HTRA3: variants seen among roughly 807,000 people sequenced by gnomAD.
HTRA3 encodes serine protease HTRA3.
In HTRA3, 41 loss-of-function variants were observed where a neutral mutation model predicts 43.2. The observed-to-expected ratio is 0.95, with a 90% CI of 0.74 to 1.23. The LOEUF is 1.23. Ranked by LOEUF, HTRA3 falls within the 50% of genes most tolerant of loss-of-function variation. The pLI is 0.00. For missense variants in HTRA3, 628 were observed against 647.1 expected (o/e 0.97, Z 0.32); for synonymous variants, 295 against 287.9 (o/e 1.02, Z -0.25).
At position 8,286,793 on chromosome 4, in the gene HTRA3, C is replaced by T. The variant is rs1262865472; in HGVS notation, c.708+10C>T. 15 of 1,602,180 alleles carry T rather than the reference C, an allele frequency of 9.4e-6. No homozygotes were observed. The highest frequency in any genetic ancestry group is 6.7e-5 in the East Asian group (3 of 44,686). On this transcript the variant is annotated intron_variant, in intron 3 of 8. Transcript: ENST00000307358. This position sits in a 1 kb window ranked among gnomAD's most constrained non-coding sequence, Gnocchi z 4.9. ...CAAGATCCATCCCAAGGTGGGTGGG[C>T]GTGGGTGGAGGGGCGGAAGCACCTG...
intron 1 of HTRA3, among the ~76,000 whole-genome samples, chr4:8,274,674 C>T (rs537385140): frequency 1.3e-5 from 2 of 152,170 alleles, no homozygotes; most frequent in East Asian, 1.9e-4. Flanking sequence ...TGTCCATCCA[C>T]GGGATGGTAA....
chr4:8,279,477 C>T lies in HTRA3; in HGVS notation c.386-2960C>T, dbSNP rs185449106. Among the ~76,000 whole-genome samples the T allele has an allele frequency of 2.0e-4, 30 of 152,168 alleles. No individual in the cohort carries two copies. Among genetic ancestry groups the T allele is most frequent in the African/African-American group, 5.8e-4 (24 of 41,528 alleles). Reference sequence around the variant, plus strand: ...TGCTGTGCAGATCTTCAGGCTGCCGCGTCAGAGCTCAGGGGCCCAGCAGCC... The same window carrying T: ...TGCTGTGCAGATCTTCAGGCTGCCGTGTCAGAGCTCAGGGGCCCAGCAGCC... On this transcript the variant is annotated intron_variant, in intron 1 of 8. Transcript: ENST00000307358. This position sits in a 1 kb window ranked among gnomAD's most constrained non-coding sequence, Gnocchi z 7.4.
At chr4:8,289,909 G>A (rs1359185017) in intron 3 of HTRA3, among the ~76,000 whole-genome samples, 1 of 149,574 alleles carries the variant, frequency 6.7e-6, no homozygotes, top group Non-Finnish European at 1.5e-5. Flanking sequence ...GGCCTCACCT[G>A]TGCGCCCTCC....
chr4:8,304,647 T>TTTGTG lies in HTRA3; in HGVS notation c.1196+370_1196+371insGTGTT, dbSNP rs796328137. Among the ~76,000 whole-genome samples, 75 of 84,206 alleles carry TTTGTG rather than the reference T, an allele frequency of 8.9e-4. 6 individuals carry two copies. The highest frequency in any genetic ancestry group is 2.5e-3 in the African/African-American group (52 of 20,660). The allele number at this position is 84,206 out of a possible 152,430, so 55.2% of individuals were successfully genotyped here. A position where few individuals can be genotyped will look rare whatever the true frequency, so the allele number is the denominator to read the frequency against. On this transcript the variant is annotated intron_variant, in intron 8 of 8. Coordinates refer to ENST00000307358, the MANE Select transcript of HTRA3 (RefSeq NM_053044.5). Reference sequence around the variant, plus strand: ...GTGGAGATAATTCAGCCTATTGTTTTTTTTTTTTTTTTTTTTTTTTTTTTT... The same window carrying TTTGTG: ...GTGGAGATAATTCAGCCTATTGTTTTTTGTGTTTTTTTTTTTTTTTTTTTTTTTTT...
intron 2 of HTRA3, among the ~76,000 whole-genome samples, chr4:8,282,910 G>T (rs1032205321): frequency 6.6e-6 from 1 of 152,228 alleles, no homozygotes; most frequent in African/African-American, 2.4e-5. Context: ...AGGTGTGTGT[G>T]CAAGGAGCAG....
At chr4:8,302,077 T>C (rs758835653) in intron 6 of HTRA3, among the ~76,000 whole-genome samples, 5 of 151,522 alleles carry the variant, frequency 3.3e-5, no homozygotes, top group Non-Finnish European at 7.4e-5. Flanking sequence ...CAGTGGGAGG[T>C]GATGAGTTCA....
At chr4:8,285,502 C>G (rs1190287685) in intron 2 of HTRA3, among the ~76,000 whole-genome samples, 1 of 152,224 alleles carries the variant, frequency 6.6e-6, no homozygotes, top group Admixed American at 6.5e-5. Context: ...ACGTTTCCAT[C>G]CCTCCATACT....
rs1340450059 is a variant in HTRA3 at position 8,282,443 on chromosome 4, A to G, written c.392A>G (p.His131Arg). 17 of 1,612,944 alleles carry G rather than the reference A, an allele frequency of 1.1e-5. No homozygotes were observed. The highest frequency in any genetic ancestry group is 1.4e-5 in the Non-Finnish European group (16 of 1,179,562). The change falls in exon 2 of 9, where the codon CAC becomes CGC. Residue 131 changes from histidine to arginine, a missense_variant. Transcript: ENST00000307358. ...GCCCTTCCCGCCAGCGCAGGTCTCC[A>G]CCAGCTGAGCAGCCCGCGCTACAAG... Reference protein sequence around the residue: ...LQKGACPLGLHQLSSPRYKFN... With the variant: ...LQKGACPLGLRQLSSPRYKFN...
intron 3 of HTRA3, among the ~76,000 whole-genome samples, chr4:8,288,734 A>G (rs575410382): frequency 8.4e-4 from 126 of 150,114 alleles, no homozygotes; most frequent in African/African-American, 2.9e-3. Flanking sequence ...CACCACCCTC[A>G]GCTAATTTTT....
rs555496977 is a variant in HTRA3 at position 8,270,563 on chromosome 4, A to C, written c.385+210A>C. Among the ~76,000 whole-genome samples the C allele has an allele frequency of 2.0e-5, 3 of 152,308 alleles. No individual in the cohort carries two copies. The South Asian group carries it at 6.2e-4, about 32-fold the overall frequency. Reference sequence around the variant, plus strand: ...TCCCCAAGGTCACAGAATTAGAGTCAAAAGGGAAACCCGGTGGTCTCCTGG... The same window carrying C: ...TCCCCAAGGTCACAGAATTAGAGTCCAAAGGGAAACCCGGTGGTCTCCTGG... On this transcript the variant is annotated intron_variant, in intron 1 of 8. Coordinates refer to ENST00000307358, the MANE Select transcript of HTRA3 (RefSeq NM_053044.5).
chr4:8,288,059 G>C (rs954885710), intron 3 of HTRA3, among the ~76,000 whole-genome samples: 1 of 152,190 alleles, frequency 6.6e-6, no homozygotes, highest in African/African-American at 2.4e-5. Flanking sequence ...CTGAATGAAC[G>C]TTTACAGCAT....
rs1179747044 is a variant in HTRA3 at position 8,276,110 on chromosome 4, A to G, written c.385+5757A>G. On this transcript the variant is annotated intron_variant, in intron 1 of 8. Transcript: ENST00000307358. ...AGCAGGTGACTCCCTGGAATTGTGC[A>G]ATGTACAGCCTGCCCACCTGTGTGC... is the stretch of plus-strand genomic sequence containing the variant. 5.9e-5 allele frequency among the ~76,000 whole-genome samples: 9 copies of G among 152,232 alleles called. 1 individual carries two copies. Among genetic ancestry groups the G allele is most frequent in the Admixed American group, 4.6e-4 (7 of 15,284 alleles).
In HTRA3 at chr4:8,284,399, G is replaced by A. The variant is rs940364257; in HGVS notation, c.485+1863G>A. On this transcript the variant is annotated intron_variant, in intron 2 of 8. Coordinates refer to ENST00000307358, the MANE Select transcript of HTRA3 (RefSeq NM_053044.5). ...ACTAATTACTGACTCCAGCCCGGCT[G>A]GGAGGCCGTTTCTGCCCTCAGAGCC... 5.9e-5 allele frequency among the ~76,000 whole-genome samples: 9 copies of A among 152,326 alleles called. No individual in the cohort carries two copies. In the East Asian group the frequency reaches 1.7e-3, roughly 29 times the overall value.
At position 8,279,769 on chromosome 4, in the gene HTRA3, C is replaced by G. The variant is rs1712671598; in HGVS notation, c.386-2668C>G. Reference sequence around the variant, plus strand: ...GCCTGTGGCTTTCCATGTGCTGTGCCCCTGCCCGTGGGCTCTTCCAGGCCT... The same window carrying G: ...GCCTGTGGCTTTCCATGTGCTGTGCGCCTGCCCGTGGGCTCTTCCAGGCCT... On this transcript the variant is annotated intron_variant, in intron 1 of 8. Coordinates refer to ENST00000307358, the MANE Select transcript of HTRA3 (RefSeq NM_053044.5). This position sits in a 1 kb window ranked among gnomAD's most constrained non-coding sequence, Gnocchi z 7.4. 6.6e-6 allele frequency among the ~76,000 whole-genome samples: 1 copy of G among 152,170 alleles called. No homozygotes were observed. Among genetic ancestry groups the G allele is most frequent in the South Asian group, 2.1e-4 (1 of 4,824 alleles).
chr4:8,289,947 TCC>T (rs35744976), intron 3 of HTRA3, among the ~76,000 whole-genome samples: 2 of 149,376 alleles, frequency 1.3e-5, no homozygotes, highest in Non-Finnish European at 3.0e-5. Context: ...GGGCTGACCC[TCC>T]CCAGTTCACG....
At chr4:8,299,905 T>A (rs1029854248) in intron 6 of HTRA3, among the ~76,000 whole-genome samples, 1 of 151,388 alleles carries the variant, frequency 6.6e-6, no homozygotes, top group East Asian at 1.9e-4. Context: ...GGTGGTGTGA[T>A]CTTGGCTCCC....
chr4:8,282,412 C>T (rs1245581078), intron 1 of HTRA3, 25 bp from the exon 2 acceptor site: 5 of 1,582,950 alleles, frequency 3.2e-6, no homozygotes, highest in South Asian at 2.2e-5. Context: ...CTCACTGATG[C>T]ACCTGGCCCT....
intron 6 of HTRA3, among the ~76,000 whole-genome samples, chr4:8,298,777 G>A (rs1713541495): frequency 1.3e-5 from 2 of 152,176 alleles, no homozygotes; most frequent in Admixed American, 1.3e-4. Flanking sequence ...GTTCTCTACT[G>A]AAGTGCCTTC....
chr4:8,306,320 A>T lies in HTRA3; in HGVS notation c.*184A>T, dbSNP rs947481266. On this transcript the variant is annotated 3_prime_UTR_variant, in exon 9 of 9. Transcript: ENST00000307358. This position sits in a 1 kb window ranked among gnomAD's most constrained non-coding sequence, Gnocchi z 8.9. ...CGAATTTCCGCCTGGGGAGTGTTGGATCCACATCCCGGTGCCGGGGAGGGA... is the reference window on the plus strand; with the variant it reads ...CGAATTTCCGCCTGGGGAGTGTTGGTTCCACATCCCGGTGCCGGGGAGGGA... 2 of 589,024 alleles carry T rather than the reference A, an allele frequency of 3.4e-6. No homozygotes were observed. The highest frequency in any genetic ancestry group is 4.5e-4 in the Middle Eastern group (1 of 2,206). The allele number at this position is 589,024 out of a possible 1,614,324, so 36.5% of individuals were successfully genotyped here. A position where few individuals can be genotyped will look rare whatever the true frequency, so the allele number is the denominator to read the frequency against.
Sources: gnomAD v4.1 joint callset for allele counts (sites outside exome capture counted in the v4.1 genomes callset) on GRCh38, gnomAD v4.1.1 for gene constraint, Gnocchi (gnomAD v3.1) non-coding constraint, MANE v1.5 for transcripts, NCBI Gene and HGNC (gene_info 2026-07-23, HGNC 2026-07-21) for gene names.